The following LRRC4C variants were observed in gnomAD, a reference collection of about 807,000 sequenced individuals.
LRRC4C encodes the protein leucine rich repeat containing 4C.
Under a neutral mutation model 33.6 loss-of-function variants are expected in LRRC4C, and 5 were observed. That is an observed-to-expected ratio of 0.15 (90% CI 0.08 to 0.31). The LOEUF (loss-of-function observed/expected upper bound fraction) is 0.31. Among genes scored for constraint, LRRC4C ranks in the 10% least tolerant of loss-of-function variants. The pLI is 1.00. For synonymous variants in LRRC4C, 329 were observed against 302.0 expected, an observed-to-expected ratio of 1.09 and a Z score of -0.93; for missense variants, 560 against 796.7, an observed-to-expected ratio of 0.70 and a Z score of 3.58.
chr11:40,234,804 C>T (rs1227301646), intron 5 of LRRC4C, among the ~76,000 whole-genome samples: 1 of 152,178 alleles, frequency 6.6e-6, no homozygotes, highest in Non-Finnish European at 1.5e-5. Flanking sequence ...GTAGGGGCTA[C>T]ACTGTGCATT....
chr11:41,243,695 A>G (rs1360261331), intron 1 of LRRC4C, among the ~76,000 whole-genome samples: 1 of 152,150 alleles, frequency 6.6e-6, no homozygotes, highest in Non-Finnish European at 1.5e-5. Context: ...TTGGCTAACA[A>G]GGATTAGAAG....
intron 1 of LRRC4C, among the ~76,000 whole-genome samples, chr11:41,021,661 G>T (rs1055957624): frequency 6.6e-6 from 1 of 152,036 alleles, no homozygotes; most frequent in Non-Finnish European, 1.5e-5. Flanking sequence ...CTATGGTTCA[G>T]ATAACGAAAG....
intron 5 of LRRC4C, among the ~76,000 whole-genome samples, chr11:40,168,571 C>CA (rs1859789899): frequency 6.6e-6 from 1 of 152,150 alleles, no homozygotes; most frequent in African/African-American, 2.4e-5. Flanking sequence ...GCACAGAGCA[C>CA]AAAGGCTCCC....
intron 1 of LRRC4C, among the ~76,000 whole-genome samples, chr11:41,212,595 C>A (rs1441674060): frequency 6.6e-6 from 1 of 152,160 alleles, no homozygotes; most frequent in African/African-American, 2.4e-5. Flanking sequence ...CCCCTCCCCT[C>A]AACAGGCCCC....
chr11:41,123,297 G>T, intron 1 of LRRC4C, among the ~76,000 whole-genome samples: 1 of 117,486 alleles, frequency 8.5e-6, no homozygotes, highest in African/African-American at 3.8e-5. Flanking sequence ...TTTTGAGACG[G>T]AGTCTCGCTC....
intron 5 of LRRC4C, among the ~76,000 whole-genome samples, chr11:40,196,008 A>G (rs1473135953): frequency 1.3e-5 from 2 of 152,200 alleles, no homozygotes; most frequent in African/African-American, 4.8e-5. Flanking sequence ...ACCTTACCTG[A>G]ACCATAGGAA....
At chr11:40,402,844 G>A (rs1590625239) in intron 3 of LRRC4C, among the ~76,000 whole-genome samples, 1 of 151,978 alleles carries the variant, frequency 6.6e-6, no homozygotes, top group Non-Finnish European at 1.5e-5. Context: ...AAAGAAACAG[G>A]CATTTCAAAG....
At chr11:40,219,474 AATCCT>A (rs1864243536) in intron 5 of LRRC4C, among the ~76,000 whole-genome samples, 1 of 152,228 alleles carries the variant, frequency 6.6e-6, no homozygotes, top group South Asian at 2.1e-4. Context: ...TACTTAGAAC[AATCCT>A]TGGCCCGTAT....
At chr11:40,957,039 G>T (rs577368629) in intron 1 of LRRC4C, among the ~76,000 whole-genome samples, 3 of 151,820 alleles carry the variant, frequency 2.0e-5, no homozygotes, top group Non-Finnish European at 4.4e-5. Flanking sequence ...GAATGACTTT[G>T]TCCCAGGAGA....
intron 1 of LRRC4C, among the ~76,000 whole-genome samples, chr11:41,398,501 A>G (rs1953905848): frequency 4.6e-5 from 7 of 151,986 alleles, no homozygotes; most frequent in Admixed American, 4.6e-4. Flanking sequence ...TTGCTGTCCT[A>G]GTAGACATTC....
chr11:41,177,845 C>G (rs1945272830), intron 1 of LRRC4C, among the ~76,000 whole-genome samples: 1 of 152,122 alleles, frequency 6.6e-6, no homozygotes, highest in Non-Finnish European at 1.5e-5. Context: ...AGGGAAAATG[C>G]AGTAACTGTT....
chr11:40,392,877 C>A (rs1002254), intron 3 of LRRC4C, among the ~76,000 whole-genome samples: 54,714 of 151,490 alleles, frequency 0.36, 10,606 homozygotes, highest in East Asian at 0.5. Context: ...TGAGTGCTCG[C>A]GAAATGCCCC....
intron 3 of LRRC4C, among the ~76,000 whole-genome samples, chr11:40,417,612 A>G (rs1438936751): frequency 2.0e-5 from 3 of 152,060 alleles, no homozygotes; most frequent in African/African-American, 7.2e-5. Context: ...TCGGCCTCCC[A>G]AAGTGCTGGG....
At chr11:41,278,070 G>T (rs892698218) in intron 1 of LRRC4C, among the ~76,000 whole-genome samples, 1 of 152,024 alleles carries the variant, frequency 6.6e-6, no homozygotes, top group African/African-American at 2.4e-5. Context: ...GTTGGTCACA[G>T]GATGCATAAT....
chr11:40,853,161 G>A (rs1953597798), intron 2 of LRRC4C, among the ~76,000 whole-genome samples: 2 of 152,146 alleles, frequency 1.3e-5, no homozygotes, highest in Non-Finnish European at 2.9e-5. Flanking sequence ...ACTAACCTAT[G>A]CTGCTTGTTG....
chr11:40,170,940 G>A (rs1277759952), intron 5 of LRRC4C, among the ~76,000 whole-genome samples: 1 of 152,188 alleles, frequency 6.6e-6, no homozygotes, highest in African/African-American at 2.4e-5. Context: ...AATTCTACCA[G>A]TGTTTAAGAT....
intron 4 of LRRC4C, among the ~76,000 whole-genome samples, chr11:40,246,517 T>C (rs1398821369): frequency 6.6e-6 from 1 of 152,202 alleles, no homozygotes; most frequent in Non-Finnish European, 1.5e-5. Flanking sequence ...CTAACTTAAC[T>C]GTGATGAAAT....
chr11:40,915,636 G>A (rs1367644013), intron 2 of LRRC4C, among the ~76,000 whole-genome samples: 2 of 151,298 alleles, frequency 1.3e-5, no homozygotes, highest in Admixed American at 6.6e-5. Context: ...ATAGGCATGG[G>A]CAAGGACTTC....
intron 5 of LRRC4C, among the ~76,000 whole-genome samples, chr11:40,222,320 T>C (rs1864481424): frequency 6.6e-6 from 1 of 152,196 alleles, no homozygotes; most frequent in South Asian, 2.1e-4. Flanking sequence ...TATTTGTTTG[T>C]ATTAAATAAG....
Sources: allele counts gnomAD v4.1 joint callset (sites outside exome capture counted in the v4.1 genomes callset), GRCh38; gene constraint gnomAD v4.1.1; transcripts MANE v1.5; gene names NCBI Gene and HGNC (gene_info 2026-07-23, HGNC 2026-07-21).